ELMO1: variants seen among roughly 807,000 people sequenced by gnomAD.
The protein encoded by ELMO1 is engulfment and cell motility 1.
In ELMO1, 26 loss-of-function variants were observed where a neutral mutation model predicts 98.9. That is an observed-to-expected ratio of 0.26 (90% CI 0.19 to 0.36). The LOEUF (loss-of-function observed/expected upper bound fraction) is 0.36, where lower values mean the gene tolerates loss of function less well. Ranked by LOEUF, ELMO1 falls within the 10% of genes least tolerant of loss-of-function variation. The probability of loss-of-function intolerance (pLI) is 1.00; values close to 1 mark genes in which losing one functional copy is unlikely to be tolerated. For synonymous variants in ELMO1, 346 were observed against 346.0 expected (o/e 1.00, Z 0.00); for missense variants, 627 against 935.2 (o/e 0.67, Z 4.30).
At chr7:37,204,152 T>C (rs1792466971) in intron 13 of ELMO1, 1 of 456,410 alleles carries the variant, frequency 2.2e-6, no homozygotes, top group Non-Finnish European at 4.4e-6. Flanking sequence ...CGATGGGCGA[T>C]GGTCCCATCT....
chr7:37,426,726 T>C (rs965514605), intron 1 of ELMO1, among the ~76,000 whole-genome samples: 4 of 152,116 alleles, frequency 2.6e-5, no homozygotes, highest in Non-Finnish European at 5.9e-5. Context: ...ACATCAGTGT[T>C]TCCCAAACTC....
At chr7:37,265,650 C>T (rs187768007) in intron 5 of ELMO1, among the ~76,000 whole-genome samples, 1 of 152,156 alleles carries the variant, frequency 6.6e-6, no homozygotes, top group East Asian at 1.9e-4. Context: ...TCTTTATTAC[C>T]TGGACAGCCT....
chr7:37,065,840 A>C (rs1243124511), intron 15 of ELMO1, among the ~76,000 whole-genome samples: 2 of 152,144 alleles, frequency 1.3e-5, no homozygotes, highest in Admixed American at 6.5e-5. Flanking sequence ...ACAATCTGAA[A>C]AGTTATGTCT....
Position 37,020,973 on chromosome 7 carries a change from G to A in ELMO1, c.1301-7538C>T, listed in dbSNP as rs188622032. ...AGAACTATTTGTGGTTCTAGGGTCA[G>A]TCTGGATAATATATTTATGAATTCT... is the stretch of plus-strand genomic sequence containing the variant. On this transcript the variant is annotated intron_variant, in intron 15 of 21. Transcript: ENST00000310758. Among the ~76,000 whole-genome samples, 440 of 152,326 alleles carry A rather than the reference G, an allele frequency of 2.9e-3. 2 individuals carry two copies. Among genetic ancestry groups the A allele is most frequent in the African/African-American group, 9.8e-3 (406 of 41,576 alleles).
At chr7:37,282,365 T>C (rs1797184493) in intron 4 of ELMO1, among the ~76,000 whole-genome samples, 1 of 152,240 alleles carries the variant, frequency 6.6e-6, no homozygotes, top group African/African-American at 2.4e-5. Flanking sequence ...GATATGTTAC[T>C]GTAAAATAAT....
At chr7:37,289,047 C>T (rs1797543580) in intron 4 of ELMO1, among the ~76,000 whole-genome samples, 1 of 152,128 alleles carries the variant, frequency 6.6e-6, no homozygotes, top group Admixed American at 6.6e-5. Flanking sequence ...TTTCCACACC[C>T]AAAAGAACAG....
chr7:37,121,353 T>C lies in ELMO1; in HGVS notation c.1191+11777A>G, dbSNP rs552613380. 1.1e-3 allele frequency among the ~76,000 whole-genome samples: 173 copies of C among 152,094 alleles called. 2 individuals carry two copies. The highest frequency in any genetic ancestry group is 1.9e-3 in the Non-Finnish European group (127 of 68,000). ...AGCTAAAGGATGAAGGTCGAACCCA[T>C]CGCAAAGAAGTTAAAAACCTCAAAA... On this transcript the variant is annotated intron_variant, in intron 14 of 21. Transcript: ENST00000310758.
chr7:36,967,537 C>G (rs566577045), intron 16 of ELMO1, among the ~76,000 whole-genome samples: 2 of 152,224 alleles, frequency 1.3e-5, no homozygotes, highest in East Asian at 1.9e-4. Flanking sequence ...CTTTGCACTT[C>G]TGGCAAAGGG....
At chr7:37,305,690 T>C (rs1439324031) in intron 4 of ELMO1, among the ~76,000 whole-genome samples, 1 of 152,240 alleles carries the variant, frequency 6.6e-6, no homozygotes, top group East Asian at 1.9e-4. Context: ...ATTGTATTCT[T>C]ATCTTACAAA....
intron 16 of ELMO1, among the ~76,000 whole-genome samples, chr7:36,948,481 T>C (rs1282205050): frequency 5.9e-5 from 9 of 152,176 alleles, no homozygotes; most frequent in Non-Finnish European, 1.0e-4. Context: ...CTTTTACAGA[T>C]TAGGAAACTG....
At chr7:37,423,118 A>T (rs867215811) in intron 1 of ELMO1, among the ~76,000 whole-genome samples, 1 of 152,230 alleles carries the variant, frequency 6.6e-6, no homozygotes, top group Non-Finnish European at 1.5e-5. Context: ...CTTCTGTGTT[A>T]CAGGTTATCA....
At chr7:37,384,084 G>C (rs1802690020) in intron 1 of ELMO1, among the ~76,000 whole-genome samples, 1 of 152,124 alleles carries the variant, frequency 6.6e-6, no homozygotes, top group Non-Finnish European at 1.5e-5. Context: ...CAGAATGCTG[G>C]GATTACAGGC....
intron 13 of ELMO1, among the ~76,000 whole-genome samples, chr7:37,144,427 A>G (rs1045400403): frequency 5.3e-5 from 8 of 152,214 alleles, no homozygotes; most frequent in African/African-American, 1.4e-4. Flanking sequence ...GAGCCCAGCA[A>G]GCCCAGCAAC....
At chr7:37,018,213 G>A (rs1013209735) in intron 15 of ELMO1, among the ~76,000 whole-genome samples, 2 of 149,762 alleles carry the variant, frequency 1.3e-5, no homozygotes, top group Non-Finnish European at 3.0e-5. Flanking sequence ...CACAACCTCC[G>A]CCTCCTGGGT....
At chr7:37,430,313 T>C (rs1804879986) in intron 1 of ELMO1, among the ~76,000 whole-genome samples, 1 of 152,200 alleles carries the variant, frequency 6.6e-6, no homozygotes, top group African/African-American at 2.4e-5. Flanking sequence ...CACTGCGACC[T>C]CATCTTCCCC....
At chr7:36,907,277 G>A (rs879536694) in intron 16 of ELMO1, among the ~76,000 whole-genome samples, 3 of 152,176 alleles carry the variant, frequency 2.0e-5, no homozygotes, top group Non-Finnish European at 2.9e-5. Flanking sequence ...ACACACTGCT[G>A]TACCAATGTT....
chr7:37,203,509 T>C (rs759872707), intron 13 of ELMO1, among the ~76,000 whole-genome samples: 7 of 151,884 alleles, frequency 4.6e-5, no homozygotes, highest in Non-Finnish European at 7.4e-5. Flanking sequence ...AAATTCCAGA[T>C]AGTCCCCCTA....
rs1036636697 is a variant in ELMO1, at chr7:37,013,211, A to G, written c.1437+88T>C. The G allele has an allele frequency of 3.3e-6, 5 of 1,505,344 alleles. No homozygotes were observed. In the African/African-American group the frequency reaches 7.0e-5, roughly 21 times the overall value. 93.2% of individuals were successfully genotyped at this position (1,505,344 alleles called of 1,614,324 possible). A position where few individuals can be genotyped will look rare whatever the true frequency, so the allele number is the denominator to read the frequency against. On this transcript the variant is annotated intron_variant, in intron 16 of 21. Transcript: ENST00000310758. The stretch of plus-strand genomic sequence containing the variant: ...TCTTCCTCATTTCCCCACCTTGCCA[A>G]TTGCCTTCTGCACACAGCCAAGGGA...
chr7:36,869,087 G>C (rs563882759), intron 20 of ELMO1, among the ~76,000 whole-genome samples: 1 of 152,382 alleles, frequency 6.6e-6, no homozygotes, highest in East Asian at 1.9e-4. Context: ...CTGAGCTATA[G>C]AATCTCTGTC....
Sources: gnomAD v4.1 joint callset for allele counts (sites outside exome capture counted in the v4.1 genomes callset) on GRCh38, gnomAD v4.1.1 for gene constraint, MANE v1.5 for transcripts, NCBI Gene and HGNC (gene_info 2026-07-23, HGNC 2026-07-21) for gene names.